BPTF: variants seen among roughly 807,000 people sequenced by gnomAD.
The protein encoded by BPTF is bromodomain PHD finger transcription factor.
In BPTF, 18 loss-of-function variants were observed where a neutral mutation model predicts 292.5. The ratio of observed to expected loss-of-function variants is 0.06; its 90% CI spans 0.04 to 0.09. The LOEUF (loss-of-function observed/expected upper bound fraction) is 0.09, where lower values mean the gene tolerates loss of function less well. Ranked by LOEUF, BPTF falls within the 10% of genes least tolerant of loss-of-function variation. The pLI is 1.00. For missense variants in BPTF, 2,726 were observed against 3,498.7 expected (o/e 0.78, Z 5.57); for synonymous variants, 1,225 against 1,251.9 (o/e 0.98, Z 0.45).
intron 1 of BPTF, among the ~76,000 whole-genome samples, chr17:67,844,922 T>C (rs1207577185): frequency 6.6e-6 from 1 of 152,152 alleles, no homozygotes; most frequent in Non-Finnish European, 1.5e-5. Context: ...TTTGTATTTT[T>C]AGTAGAGACA....
chr17:67,948,427 T>A, intron 23 of BPTF, 121 bp downstream of exon 23: 1 of 926,984 alleles, frequency 1.1e-6, no homozygotes, highest in Non-Finnish European at 1.6e-6. Flanking sequence ...TACATTTGTG[T>A]ACATAGAGTA....
chr17:67,898,088 G>C (rs1444004366), intron 7 of BPTF, among the ~76,000 whole-genome samples: 1 of 152,170 alleles, frequency 6.6e-6, no homozygotes, highest in East Asian at 1.9e-4. Flanking sequence ...GTCAAAGAAA[G>C]GCTGGATGCA....
intron 1 of BPTF, among the ~76,000 whole-genome samples, chr17:67,833,419 T>C (rs1384453695): frequency 6.6e-6 from 1 of 152,132 alleles, no homozygotes; most frequent in Non-Finnish European, 1.5e-5. Context: ...CTTAAGTTCA[T>C]GGACATCTGA....
At chr17:67,925,981 CTAACA>C (rs1361363845) in intron 15 of BPTF, among the ~76,000 whole-genome samples, 1 of 143,084 alleles carries the variant, frequency 7.0e-6, no homozygotes, top group Non-Finnish European at 1.5e-5. Flanking sequence ...GCAATGTAAC[CTAACA>C]TATTACTTTT....
At chr17:67,832,114 T>G (rs2143876016) in intron 1 of BPTF, among the ~76,000 whole-genome samples, 1 of 152,158 alleles carries the variant, frequency 6.6e-6, no homozygotes, top group Non-Finnish European at 1.5e-5. Flanking sequence ...GGTCTCAAAC[T>G]CCTGACCTTG....
intron 19 of BPTF, among the ~76,000 whole-genome samples, chr17:67,941,499 G>A (rs1353694662): frequency 6.6e-6 from 1 of 152,136 alleles, no homozygotes; most frequent in Non-Finnish European, 1.5e-5. Flanking sequence ...AATTAATATA[G>A]TGAGGTACAG....
At chr17:67,923,052 A>G (rs1343302415) in intron 14 of BPTF, 62 bp downstream of exon 14, 9 of 1,458,690 alleles carry the variant, frequency 6.2e-6, no homozygotes, top group Non-Finnish European at 7.4e-6. Flanking sequence ...GAATCAATAA[A>G]TTACTTTTTT....
chr17:67,838,561 C>T (rs2057310193), intron 1 of BPTF, among the ~76,000 whole-genome samples: 1 of 152,190 alleles, frequency 6.6e-6, no homozygotes, highest in African/African-American at 2.4e-5. Flanking sequence ...ACTGCAACCT[C>T]CACCTCTTAG....
rs1002886854 is a variant in BPTF, at chr17:67,937,869, C to T, written c.6260-2570C>T. Among the ~76,000 whole-genome samples, 5 of 152,192 alleles carry T rather than the reference C, an allele frequency of 3.3e-5. No individual in the cohort carries two copies. In the East Asian group the frequency reaches 5.8e-4, roughly 18 times the overall value. Reference sequence around the variant, plus strand: ...GTGGCTCATGCCTGTAATCCCAGCCCTTAGGGAGGCCAAGGCGGGCGGATC... The same window carrying T: ...GTGGCTCATGCCTGTAATCCCAGCCTTTAGGGAGGCCAAGGCGGGCGGATC... On this transcript the variant is annotated intron_variant, in intron 18 of 27. Coordinates refer to ENST00000306378, the MANE Select transcript of BPTF (RefSeq NM_182641.4).
At chr17:67,934,700 C>A (rs554717626) in intron 18 of BPTF, among the ~76,000 whole-genome samples, 1 of 150,940 alleles carries the variant, frequency 6.6e-6, no homozygotes, top group African/African-American at 2.4e-5. Flanking sequence ...GGTGAAACCC[C>A]GCCTGTACTA....
At chr17:67,893,861 A>C in intron 6 of BPTF, 136 bp downstream of exon 6, 1 of 1,122,836 alleles carries the variant, frequency 8.9e-7, no homozygotes, top group Non-Finnish European at 1.3e-6. Context: ...AGGACATTAG[A>C]GGCATGAGTG....
chr17:67,872,700 T>C (rs2059817113), intron 3 of BPTF, among the ~76,000 whole-genome samples: 1 of 151,838 alleles, frequency 6.6e-6, no homozygotes, highest in African/African-American at 2.4e-5. Flanking sequence ...AGTGAGATTC[T>C]GTCTCAAAAA....
At chr17:67,928,332 T>C (rs1568096642) in intron 15 of BPTF, 23 bp from the exon 16 acceptor site, 1 of 1,583,232 alleles carries the variant, frequency 6.3e-7, no homozygotes, top group Non-Finnish European at 8.6e-7. Context: ...TTGATTCATG[T>C]TTCCTCTCCT....
chr17:67,919,293 T>C (rs1269476458), intron 12 of BPTF, among the ~76,000 whole-genome samples: 1 of 151,882 alleles, frequency 6.6e-6, no homozygotes, highest in Non-Finnish European at 1.5e-5. Flanking sequence ...CCTAGCACTT[T>C]GGGAGGCCAA....
At chr17:67,942,316 A>G (rs1057038164) in intron 19 of BPTF, among the ~76,000 whole-genome samples, 16 of 13,154 alleles carry the variant, frequency 1.2e-3, no homozygotes, top group South Asian at 0.01. Context: ...CTCAAAAAAA[A>G]GAAAAACAAA....
intron 14 of BPTF, 132 bp from the exon 15 acceptor site, chr17:67,924,414 CA>C: frequency 1.0e-6 from 1 of 970,194 alleles, no homozygotes; most frequent in South Asian, 1.7e-5. Flanking sequence ...CTCGCACAAC[CA>C]AATGTTTTAT....
intron 3 of BPTF, among the ~76,000 whole-genome samples, chr17:67,867,439 T>C (rs1008154760): frequency 2.0e-5 from 3 of 152,256 alleles, no homozygotes; most frequent in African/African-American, 7.2e-5. Context: ...GCCCCTGTTA[T>C]TAAAGTCTTA....
chr17:67,827,203 A>G (rs1180831813), intron 1 of BPTF, among the ~76,000 whole-genome samples: 3 of 152,360 alleles, frequency 2.0e-5, no homozygotes, highest in East Asian at 3.9e-4. Flanking sequence ...TCATCTAGAC[A>G]TAATTGCCGA....
intron 15 of BPTF, among the ~76,000 whole-genome samples, chr17:67,924,930 G>A (rs1265532974): frequency 6.6e-6 from 1 of 151,792 alleles, no homozygotes; most frequent in East Asian, 1.9e-4. Flanking sequence ...TGTATTTTTT[G>A]TAGTGATAGG....
Sources: gnomAD v4.1 joint callset for allele counts (sites outside exome capture counted in the v4.1 genomes callset) on GRCh38, gnomAD v4.1.1 for gene constraint, MANE v1.5 for transcripts, NCBI Gene and HGNC (gene_info 2026-07-23, HGNC 2026-07-21) for gene names.